NT5C: variants seen among roughly 807,000 people sequenced by gnomAD.
NT5C encodes 5', 3'-nucleotidase, cytosolic.
In NT5C, 14 loss-of-function variants were observed where a neutral mutation model predicts 17.6. The observed-to-expected ratio is 0.79, with a 90% confidence interval of 0.52 to 1.24. The LOEUF is 1.24. Among genes scored for constraint, NT5C ranks in the 50% most tolerant of loss-of-function variants. The pLI, the probability that NT5C is intolerant of heterozygous loss-of-function variation, is 0.00. For synonymous variants in NT5C, 153 were observed against 119.2 expected, an observed-to-expected ratio of 1.28 and a Z score of -1.85; for missense variants, 328 against 278.3, an observed-to-expected ratio of 1.18 and a Z score of -1.27.
Position 75,130,268 on chromosome 17 carries a change from T to C in NT5C, c.*220A>G, listed in dbSNP as rs963744385. The C allele has an allele frequency of 1.4e-5, 8 of 583,076 alleles. No individual in the cohort carries two copies. Among genetic ancestry groups the C allele is most frequent in the African/African-American group, 3.7e-5 (2 of 53,532 alleles). 36.1% of individuals were successfully genotyped at this position (583,076 alleles called of 1,614,324 possible). A position where few individuals can be genotyped will look rare whatever the true frequency, so the allele number is the denominator to read the frequency against. ...TTTTATTAAAGGTCCCGACTGGTTT[T>C]CCCACTGTATTTCCATGCCAGCCAG... On this transcript the variant is annotated 3_prime_UTR_variant, in exon 5 of 5. Transcript: ENST00000245552.
Position 75,130,806 on chromosome 17 carries a change from T to G in NT5C, c.398A>C (p.Asp133Ala). 1 of 1,614,112 alleles carries G rather than the reference T, an allele frequency of 6.2e-7. No homozygotes were observed. Among genetic ancestry groups the G allele is most frequent in the Non-Finnish European group, 8.5e-7 (1 of 1,180,004 alleles). ...QFVERIILTR[D>A]KTVVLGDLLI... ...CAGGTCCCCCAAGACCACCGTCTTGTCCCTTGTCAGGATAATTCGTTCTAC... is the reference window on the plus strand; with the variant it reads ...CAGGTCCCCCAAGACCACCGTCTTGGCCCTTGTCAGGATAATTCGTTCTAC... Residue 133 changes from aspartate to alanine, a missense_variant, in exon 4 of 5, where the codon GAC becomes GCC. Asp to Ala is a moderately radical substitution (Grantham distance 126). Transcript: ENST00000245552.
At position 75,131,509 on chromosome 17, in the gene NT5C, C is replaced by A. The variant is rs550124499; in HGVS notation, c.174+25G>T. 11 of 1,417,306 alleles carry A rather than the reference C, an allele frequency of 7.8e-6. No homozygotes were observed. The South Asian group carries it at 1.5e-4, about 20-fold the overall frequency. 87.8% of individuals were successfully genotyped at this position (1,417,306 alleles called of 1,614,324 possible). On this transcript the variant is annotated intron_variant, in intron 1 of 4. Transcript: ENST00000245552. ...CGGAACGGAGCGAGCGGGCCCTGCC[C>A]GGGTGGGGACCCTGCGCCCCCTACC...
At position 75,130,238 on chromosome 17, in the gene NT5C, A is replaced by C; in HGVS notation, c.*250T>G. 5.7e-6 allele frequency: 3 copies of C among 526,714 alleles called. No individual in the cohort carries two copies. The South Asian group carries it at 7.1e-5, about 12-fold the overall frequency. 32.6% of individuals were successfully genotyped at this position (526,714 alleles called of 1,614,324 possible). A position where few individuals can be genotyped will look rare whatever the true frequency, so the allele number is the denominator to read the frequency against. On this transcript the variant is annotated 3_prime_UTR_variant, in exon 5 of 5. Transcript: ENST00000245552. ...AGGGTCCTAGAAGACTAGAAAGCCA[A>C]GGTCTTTTATTAAAGGTCCCGACTG...
Position 75,130,410 on chromosome 17 carries a change from C to T in NT5C, c.*78G>A. On this transcript the variant is annotated 3_prime_UTR_variant, in exon 5 of 5. Transcript: ENST00000245552. ...GGGGCCAGAGGCACCAGCACGATGC[C>T]GCCCCGACTCGGCTCTGCGGTGGCC... The T allele has an allele frequency of 7.1e-6, 11 of 1,548,592 alleles. No homozygotes were observed. The highest frequency in any genetic ancestry group is 9.7e-6 in the Non-Finnish European group (11 of 1,136,916).
chr17:75,131,455 G>A (rs2074123661), intron 1 of NT5C, 79 bp downstream of exon 1: 2 of 1,417,472 alleles, frequency 1.4e-6, no homozygotes, highest in Middle Eastern at 2.6e-4. Flanking sequence ...TGAGAGCTCT[G>A]CGCCCTTCAC....
chr17:75,130,493 C>T lies in NT5C; in HGVS notation c.601G>A (p.Glu201Lys). 1 of 1,613,928 alleles carries T rather than the reference C, an allele frequency of 6.2e-7. No homozygotes were observed. Among genetic ancestry groups the T allele is most frequent in the Non-Finnish European group, 8.5e-7 (1 of 1,179,928 alleles). Residue 201 changes from glutamate (E) to lysine (K), a missense_variant, in exon 5 of 5, where the codon GAA becomes AAA. Coordinates refer to ENST00000245552, the MANE Select transcript of NT5C (RefSeq NM_014595.3). Reference sequence around the variant, plus strand: ...GCTGCCCGCGGCATCCCCGCTCATTCCCGCTGCGCAGCTCCGCGCTTGCTA... The same window carrying T: ...GCTGCCCGCGGCATCCCCGCTCATTTCCGCTGCGCAGCTCCGCGCTTGCTA... ...LDSKRGAAQRE is the reference protein window; with the variant it reads ...LDSKRGAAQRK
At position 75,131,741 on chromosome 17, in the gene NT5C, C is replaced by A. The variant is rs915048469; in HGVS notation, c.-34G>T. The A allele has an allele frequency of 2.4e-6, 3 of 1,255,848 alleles. No individual in the cohort carries two copies. The South Asian group carries it at 9.2e-5, about 38-fold the overall frequency. The allele number at this position is 1,255,848 out of a possible 1,614,324, so 77.8% of individuals were successfully genotyped here. ...GGCCGGAGCTGCGAGCTCTCGGGGT[C>A]TGGGGGGCGCGGGCTCGGCCGGAAG... On this transcript the variant is annotated 5_prime_UTR_variant, in exon 1 of 5. Coordinates refer to ENST00000245552, the MANE Select transcript of NT5C (RefSeq NM_014595.3).
rs2074105220 is a variant in NT5C at position 75,130,776 on chromosome 17, A to G, written c.428T>C (p.Ile143Thr). The G allele has an allele frequency of 6.2e-7, 1 of 1,614,150 alleles. No homozygotes were observed. Among genetic ancestry groups the G allele is most frequent in the African/African-American group, 1.3e-5 (1 of 75,034 alleles). ...ACCTCGAACTGTGTCCTTGTCATCA[A>G]TGAGCAGGTCCCCCAAGACCACCGT... ...DKTVVLGDLLIDDKDTVRGQE... is the reference protein window; with the variant it reads ...DKTVVLGDLLTDDKDTVRGQE... Residue 143 changes from isoleucine (I) to threonine (T), a missense_variant, in exon 4 of 5, where the codon ATT (isoleucine) becomes ACT (threonine). Physicochemically the swap from Ile to Thr is moderately conservative, Grantham distance 89. Transcript: ENST00000245552.
rs2074107266 is a variant in NT5C at position 75,130,873 on chromosome 17, T to C, written c.337-6A>G. 3 of 1,613,894 alleles carry C rather than the reference T, an allele frequency of 1.9e-6. No homozygotes were observed. The highest frequency in any genetic ancestry group is 2.5e-6 in the Non-Finnish European group (3 of 1,179,920). The stretch of plus-strand genomic sequence containing the variant: ...TGCTGCTCCACCCAGCGGTACTGTG[T>C]AGAAAACACAGTCTGTGAGTAGGGC... On this transcript the variant is annotated splice_polypyrimidine_tract_variant and splice_region_variant and intron_variant, in intron 3 of 4. Transcript: ENST00000245552.
At chr17:75,131,008 C>G (rs1250542667) in intron 3 of NT5C, 37 bp downstream of exon 3, 3 of 1,607,184 alleles carry the variant, frequency 1.9e-6, no homozygotes, top group East Asian at 2.2e-5. Flanking sequence ...AGGATTTAGG[C>G]AGCTCCACGT....
chr17:75,130,275 G>C lies in NT5C; in HGVS notation c.*213C>G. The C allele has an allele frequency of 3.4e-6, 2 of 593,826 alleles. No individual in the cohort carries two copies. The highest frequency in any genetic ancestry group is 6.0e-6 in the Non-Finnish European group (2 of 335,468). The allele number at this position is 593,826 out of a possible 1,614,324, so 36.8% of individuals were successfully genotyped here. ...AAAGGTCCCGACTGGTTTTCCCACT[G>C]TATTTCCATGCCAGCCAGGGTCCAG... On this transcript the variant is annotated 3_prime_UTR_variant, in exon 5 of 5. Transcript: ENST00000245552.
At chr17:75,131,148 C>T in intron 2 of NT5C, 33 bp downstream of exon 2, 1 of 1,612,360 alleles carries the variant, frequency 6.2e-7, no homozygotes, top group Non-Finnish European at 8.5e-7. Flanking sequence ...CAGGAGCCCG[C>T]CCAGGACTCC....
Position 75,131,164 on chromosome 17 carries a change from C to T in NT5C, c.275+17G>A. 2 of 1,612,818 alleles carry T rather than the reference C, an allele frequency of 1.2e-6. No homozygotes were observed. The highest frequency in any genetic ancestry group is 1.7e-6 in the Non-Finnish European group (2 of 1,179,860). On this transcript the variant is annotated intron_variant, in intron 2 of 4. Coordinates refer to ENST00000245552, the MANE Select transcript of NT5C (RefSeq NM_014595.3). ...AGGAGCCCGCCCAGGACTCCGCCCGCCCCCCTCTCTCCTTACTCCGGTAGG... is the reference window on the plus strand; with the variant it reads ...AGGAGCCCGCCCAGGACTCCGCCCGTCCCCCTCTCTCCTTACTCCGGTAGG...
chr17:75,130,729 G>T lies in NT5C; in HGVS notation c.451+24C>A, dbSNP rs562746759. ...ATCCGGGCAGGCCAGAGGCCTGGAG[G>T]CTGCCAAGGATAACGGGTCCAACCT... On this transcript the variant is annotated intron_variant, in intron 4 of 4. Coordinates refer to ENST00000245552, the MANE Select transcript of NT5C (RefSeq NM_014595.3). 4.0e-4 allele frequency: 650 copies of T among 1,613,656 alleles called. 14 individuals carry two copies. In the South Asian group the frequency reaches 6.4e-3, roughly 16 times the overall value.
In NT5C at chr17:75,131,528, C is replaced by G. The variant is rs987267586; in HGVS notation, c.174+6G>C. 7.1e-7 allele frequency: 1 copy of G among 1,410,552 alleles called. No individual in the cohort carries two copies. Among genetic ancestry groups the G allele is most frequent in the African/African-American group, 1.5e-5 (1 of 66,694 alleles). The allele number at this position is 1,410,552 out of a possible 1,614,324, so 87.4% of individuals were successfully genotyped here. ...CCTGCCCGGGTGGGGACCCTGCGCC[C>G]CCTACCGCCAGGTCGGGCCGCAGGG... is the stretch of plus-strand genomic sequence containing the variant. On this transcript the variant is annotated splice_donor_region_variant and intron_variant, in intron 1 of 4. Transcript: ENST00000245552.
chr17:75,131,518 A>G lies in NT5C; in HGVS notation c.174+16T>C. 5 of 1,413,892 alleles carry G rather than the reference A, an allele frequency of 3.5e-6. No individual in the cohort carries two copies. Among genetic ancestry groups the G allele is most frequent in the Non-Finnish European group, 4.6e-6 (5 of 1,091,486 alleles). The allele number at this position is 1,413,892 out of a possible 1,614,324, so 87.6% of individuals were successfully genotyped here. A position where few individuals can be genotyped will look rare whatever the true frequency, so the allele number is the denominator to read the frequency against. On this transcript the variant is annotated intron_variant, in intron 1 of 4. Coordinates refer to ENST00000245552, the MANE Select transcript of NT5C (RefSeq NM_014595.3). ...GCGAGCGGGCCCTGCCCGGGTGGGG[A>G]CCCTGCGCCCCCTACCGCCAGGTCG...
Position 75,131,736 on chromosome 17 carries a change from G to C in NT5C, c.-29C>G. ...CGCCGGGCCGGAGCTGCGAGCTCTCGGGGTCTGGGGGGCGCGGGCTCGGCC... is the reference window on the plus strand; with the variant it reads ...CGCCGGGCCGGAGCTGCGAGCTCTCCGGGTCTGGGGGGCGCGGGCTCGGCC... On this transcript the variant is annotated 5_prime_UTR_variant, in exon 1 of 5. Coordinates refer to ENST00000245552, the MANE Select transcript of NT5C (RefSeq NM_014595.3). 5 of 1,257,948 alleles carry C rather than the reference G, an allele frequency of 4.0e-6. No homozygotes were observed. The South Asian group carries it at 9.1e-5, about 23-fold the overall frequency. The allele number at this position is 1,257,948 out of a possible 1,614,324, so 77.9% of individuals were successfully genotyped here.
Position 75,130,609 on chromosome 17 carries a change from A to T in NT5C, c.485T>A (p.Leu162Ter), listed in dbSNP as rs2074101173. The change falls in exon 5 of 5, where the codon TTG (leucine) becomes TAG (stop). Residue 162 changes from leucine to a stop codon, truncating the protein, a stop_gained. Transcript: ENST00000245552. LOFTEE classifies it high-confidence loss of function. ...QEETPSWEHI[L>*]FTCCHNRHLV... ...GTGCCGATTGTGGCAGCAGGTGAACAAGATGTGCTCCCAGCTTGGGGTCTC... is the reference window on the plus strand; with the variant it reads ...GTGCCGATTGTGGCAGCAGGTGAACTAGATGTGCTCCCAGCTTGGGGTCTC... 6.2e-7 allele frequency: 1 copy of T among 1,613,620 alleles called. No individual in the cohort carries two copies. The highest frequency in any genetic ancestry group is 1.7e-5 in the Admixed American group (1 of 59,908).
At position 75,131,717 on chromosome 17, in the gene NT5C, G is replaced by C. The variant is rs1340655760; in HGVS notation, c.-10C>G. On this transcript the variant is annotated 5_prime_UTR_variant, in exon 1 of 5. Transcript: ENST00000245552. ...GCACGCTCCGCGCCATCGCCGCCGG[G>C]CCGGAGCTGCGAGCTCTCGGGGTCT... 1 of 1,274,054 alleles carries C rather than the reference G, an allele frequency of 7.8e-7. No homozygotes were observed. The highest frequency in any genetic ancestry group is 1.5e-5 in the African/African-American group (1 of 64,634). 78.9% of individuals were successfully genotyped at this position (1,274,054 alleles called of 1,614,324 possible). A position where few individuals can be genotyped will look rare whatever the true frequency, so the allele number is the denominator to read the frequency against.
Sources: gnomAD v4.1 joint callset for allele counts on GRCh38, gnomAD v4.1.1 for gene constraint, MANE v1.5 for transcripts, NCBI Gene and HGNC (gene_info 2026-07-23, HGNC 2026-07-21) for gene names.